Variants in ADCY7 observed in about 807,000 individuals in gnomAD.
The protein encoded by ADCY7 is adenylate cyclase 7.
A neutral mutation model predicts 120.6 loss-of-function variants in ADCY7; 72 were observed. That is an observed-to-expected ratio of 0.60 (90% CI 0.49 to 0.73). The LOEUF (loss-of-function observed/expected upper bound fraction) is 0.73, where lower values mean the gene tolerates loss of function less well. Ranked by LOEUF, ADCY7 falls within the 30% of genes least tolerant of loss-of-function variation. ADCY7 has a pLI of 0.00. For synonymous variants in ADCY7, 661 were observed against 628.0 expected (o/e 1.05, Z -0.78); for missense variants, 1,227 against 1,486.0 (o/e 0.83, Z 2.87).
chr16:50,290,245 G>C (rs1484114664), intron 2 of ADCY7, among the ~76,000 whole-genome samples: 1 of 152,200 alleles, frequency 6.6e-6, no homozygotes, highest in Non-Finnish European at 1.5e-5. Context: ...TGATGCTCTG[G>C]TTCCCGAGAT....
At chr16:50,250,107 T>C (rs2032710178) in intron 1 of ADCY7, among the ~76,000 whole-genome samples, 2 of 152,116 alleles carry the variant, frequency 1.3e-5, no homozygotes, top group South Asian at 2.1e-4. Flanking sequence ...AGAGTGCTTA[T>C]CTCAAAGGCC....
At position 50,288,116 on chromosome 16, in the gene ADCY7, A is replaced by G; in HGVS notation, c.-64A>G. 1 of 1,477,616 alleles carries G rather than the reference A, an allele frequency of 6.8e-7. No individual in the cohort carries two copies. The highest frequency in any genetic ancestry group is 9.0e-7 in the Non-Finnish European group (1 of 1,108,524). The allele number at this position is 1,477,616 out of a possible 1,614,324, so 91.5% of individuals were successfully genotyped here. A position where few individuals can be genotyped will look rare whatever the true frequency, so the allele number is the denominator to read the frequency against. ...CACGGGGGAGGGTGTTGGCAGACAG[A>G]TGCCCTCCAGGCCCTGGGGCCTCCT... is the stretch of plus-strand genomic sequence containing the variant. On this transcript the variant is annotated 5_prime_UTR_variant, in exon 2 of 26. It removes an upstream start codon present in the reference 5' UTR. Coordinates refer to ENST00000673801, the MANE Select transcript of ADCY7 (RefSeq NM_001114.5).
chr16:50,283,970 G>A (rs1426858824), intron 1 of ADCY7, among the ~76,000 whole-genome samples: 1 of 152,236 alleles, frequency 6.6e-6, no homozygotes, highest in African/African-American at 2.4e-5. Flanking sequence ...TGGATTGGAT[G>A]TGTCTCAGAC....
chr16:50,294,740 C>T lies in ADCY7; in HGVS notation c.937C>T (p.Gln313Ter). The change falls in exon 7 of 26, where the codon CAG becomes TAG. Residue 313 changes from glutamine to a stop codon, truncating the protein, a stop_gained. Transcript: ENST00000673801. LOFTEE classifies it high-confidence loss of function. The stretch of plus-strand genomic sequence containing the variant: ...GAATGAGCTCTTTGGCAAGTTCGAC[C>T]AGATCGCCAAGGTGAGCCCGCTGGC... ...VLNELFGKFD[Q>*]IAKANECMRI... 6.2e-7 allele frequency: 1 copy of T among 1,613,156 alleles called. No individual in the cohort carries two copies. The highest frequency in any genetic ancestry group is 1.3e-5 in the African/African-American group (1 of 75,046).
At chr16:50,307,866 G>T (rs1315348653) in intron 15 of ADCY7, among the ~76,000 whole-genome samples, 1 of 152,014 alleles carries the variant, frequency 6.6e-6, no homozygotes, top group Non-Finnish European at 1.5e-5. Context: ...CGTGGTGGCT[G>T]GCGCCTGTAA....
chr16:50,278,296 C>G (rs889548368), intron 1 of ADCY7, among the ~76,000 whole-genome samples: 1 of 152,216 alleles, frequency 6.6e-6, no homozygotes, highest in East Asian at 1.9e-4. Flanking sequence ...CTGACTCAGC[C>G]TACCTAAGTG....
chr16:50,258,637 A>C, intron 1 of ADCY7, among the ~76,000 whole-genome samples: 1 of 148,956 alleles, frequency 6.7e-6, no homozygotes, highest in Non-Finnish European at 1.5e-5. Context: ...TCTGTCTCCC[A>C]GGCTAGAGTG....
intron 1 of ADCY7, among the ~76,000 whole-genome samples, chr16:50,261,389 C>A (rs2033053259): frequency 6.6e-6 from 1 of 152,082 alleles, no homozygotes; most frequent in African/African-American, 2.4e-5. Context: ...AGCTGGGTAG[C>A]AGGTGGAGGC....
intron 5 of ADCY7, 89 bp downstream of exon 5, chr16:50,292,914 T>C (rs2035086504): frequency 4.6e-6 from 7 of 1,519,634 alleles, no homozygotes; most frequent in Non-Finnish European, 6.2e-6. Context: ...GCCATGTGCA[T>C]GAGGTGCATG....
chr16:50,278,870 CTCTCTTTTTTTT>C (rs1229662561), intron 1 of ADCY7, among the ~76,000 whole-genome samples: 1 of 117,920 alleles, frequency 8.5e-6, no homozygotes, highest in Non-Finnish European at 1.7e-5. Flanking sequence ...CTCTCTCTCT[CTCTCTTTTTTTT>C]TTTTTTTTTG....
At chr16:50,291,707 G>A (rs369579217) in intron 3 of ADCY7, 29 bp from the exon 4 acceptor site, 8 of 1,613,390 alleles carry the variant, frequency 5.0e-6, no homozygotes, top group Non-Finnish European at 5.9e-6. Context: ...GCATCTTGGG[G>A]CACCGGGCTC....
chr16:50,313,323 G>A (rs928721027), intron 22 of ADCY7: 10 of 308,530 alleles, frequency 3.2e-5, no homozygotes, highest in Non-Finnish European at 6.3e-5. Context: ...GGGAGGCTGA[G>A]GCAGGAGAAT....
chr16:50,309,720 C>G (rs1214571589), intron 18 of ADCY7, 74 bp downstream of exon 18: 1 of 1,335,264 alleles, frequency 7.5e-7, no homozygotes, highest in East Asian at 2.5e-5. Context: ...AGTTTGGACC[C>G]TCAAAGCATG....
chr16:50,245,733 C>G (rs2032559900), upstream of ADCY7, among the ~76,000 whole-genome samples: 1 of 152,226 alleles, frequency 6.6e-6, no homozygotes, highest in African/African-American at 2.4e-5. Flanking sequence ...TCCAGAAACA[C>G]GGGCGCTCCT....
At chr16:50,278,665 CAT>C (rs1354683805) in intron 1 of ADCY7, among the ~76,000 whole-genome samples, 4 of 152,140 alleles carry the variant, frequency 2.6e-5, no homozygotes, top group African/African-American at 9.7e-5. Context: ...AGAATTCTCC[CAT>C]AGTTTCTTGC....
At chr16:50,306,893 CA>C (rs1415007600) in intron 14 of ADCY7, among the ~76,000 whole-genome samples, 156 bp from the exon 15 acceptor site, 3 of 152,154 alleles carry the variant, frequency 2.0e-5, no homozygotes, top group Non-Finnish European at 4.4e-5. Context: ...CTACTGGGCT[CA>C]AGTGAACCTC....
upstream of ADCY7, among the ~76,000 whole-genome samples, chr16:50,263,833 G>A (rs747399485): frequency 4.6e-5 from 7 of 151,504 alleles, no homozygotes; most frequent in African/African-American, 7.3e-5. Context: ...TCTCCACGCC[G>A]CGCTTTCCTC....
intron 7 of ADCY7, among the ~76,000 whole-genome samples, chr16:50,296,959 G>A (rs1487178834): frequency 6.6e-6 from 1 of 152,208 alleles, no homozygotes; most frequent in Non-Finnish European, 1.5e-5. Flanking sequence ...CCAGCAGCTG[G>A]GAGCCCCAGA....
intron 7 of ADCY7, among the ~76,000 whole-genome samples, chr16:50,295,011 G>A (rs1442384559): frequency 6.6e-6 from 1 of 152,166 alleles, no homozygotes; most frequent in Non-Finnish European, 1.5e-5. Context: ...TGGGGCTCTG[G>A]AGCTCAGATG....
Sources: gnomAD v4.1 joint callset for allele counts (sites outside exome capture counted in the v4.1 genomes callset) on GRCh38, gnomAD v4.1.1 for gene constraint, MANE v1.5 for transcripts, NCBI Gene and HGNC (gene_info 2026-07-23, HGNC 2026-07-21) for gene names.